Variants in FAT3 observed in about 807,000 individuals in gnomAD.
The protein encoded by FAT3 is FAT atypical cadherin 3, also known as protocadherin Fat 3.
In FAT3, 95 loss-of-function variants were observed where a neutral mutation model predicts 310.2. The observed-to-expected ratio is 0.31, with a 90% CI of 0.26 to 0.36. The LOEUF is 0.36. Among genes scored for constraint, FAT3 ranks in the 10% least tolerant of loss-of-function variants. FAT3 has a pLI of 1.00. For missense variants in FAT3, 5,408 were observed against 5,715.6 expected (o/e 0.95, Z 1.74); for synonymous variants, 2,314 against 2,192.9 (o/e 1.06, Z -1.54).
chr11:92,461,099 C>A (rs1951627971), intron 2 of FAT3, among the ~76,000 whole-genome samples: 1 of 152,140 alleles, frequency 6.6e-6, no homozygotes, highest in Non-Finnish European at 1.5e-5. Flanking sequence ...TCATGGGTTG[C>A]ATTAATTTTG....
chr11:92,493,654 ATT>A (rs1346301180), intron 2 of FAT3, among the ~76,000 whole-genome samples: 1 of 152,076 alleles, frequency 6.6e-6, no homozygotes, highest in African/African-American at 2.4e-5. Flanking sequence ...CCCCAGCAAG[ATT>A]TTTGAGTTCC....
intron 1 of FAT3, among the ~76,000 whole-genome samples, chr11:92,344,844 A>G (rs1013836276): frequency 6.6e-6 from 1 of 152,114 alleles, no homozygotes; most frequent in Non-Finnish European, 1.5e-5. Context: ...GTGTCTTGAA[A>G]CGTACCCCCC....
At chr11:92,578,654 G>A (rs112869211) in intron 3 of FAT3, among the ~76,000 whole-genome samples, 43 of 152,222 alleles carry the variant, frequency 2.8e-4, no homozygotes, top group African/African-American at 9.4e-4. Context: ...AGCGAAGAGC[G>A]TGGAAAAAGC....
intron 2 of FAT3, among the ~76,000 whole-genome samples, chr11:92,442,260 C>A (rs1951092896): frequency 6.7e-6 from 1 of 148,420 alleles, no homozygotes; most frequent in Non-Finnish European, 1.5e-5. Flanking sequence ...ACTACAGGCA[C>A]CCGCCACCAC....
intron 3 of FAT3, among the ~76,000 whole-genome samples, chr11:92,528,428 C>G (rs994448836): frequency 6.6e-6 from 1 of 152,200 alleles, no homozygotes; most frequent in Non-Finnish European, 1.5e-5. Flanking sequence ...GCTCAGTCGC[C>G]CAGGCTGGAG....
At chr11:92,412,708 T>TACAC (rs1950304035) in intron 2 of FAT3, among the ~76,000 whole-genome samples, 1 of 11,296 alleles carries the variant, frequency 8.9e-5, no homozygotes, top group Non-Finnish European at 1.9e-4. Flanking sequence ...TGGTGATATA[T>TACAC]ATATATATAT....
chr11:92,437,158 C>G (rs956738856), intron 2 of FAT3, among the ~76,000 whole-genome samples: 1 of 152,094 alleles, frequency 6.6e-6, no homozygotes, highest in Non-Finnish European at 1.5e-5. Context: ...TCTAAGCAGG[C>G]AGCAAATAAA....
intron 6 of FAT3, among the ~76,000 whole-genome samples, chr11:92,769,884 A>AT (rs747000322): frequency 1.3e-5 from 2 of 152,260 alleles, no homozygotes; most frequent in South Asian, 4.1e-4. Flanking sequence ...CCTTGTCCCC[A>AT]GTGGAGCCAT....
chr11:92,295,236 G>A (rs558195078), intron 1 of FAT3, among the ~76,000 whole-genome samples: 1 of 152,224 alleles, frequency 6.6e-6, no homozygotes, highest in South Asian at 2.1e-4. Flanking sequence ...ATGCATGTAG[G>A]TTCATGCAGG....
chr11:92,387,940 A>G (rs570856164), intron 2 of FAT3, among the ~76,000 whole-genome samples: 5 of 152,296 alleles, frequency 3.3e-5, no homozygotes, highest in Admixed American at 1.3e-4. Flanking sequence ...TGTCCTGTCA[A>G]TACTGAACCA....
rs572114972 is a variant in FAT3 at position 92,396,610 on chromosome 11, A to G, written c.3292+41206A>G. On this transcript the variant is annotated intron_variant, in intron 2 of 27. Transcript: ENST00000525166. The stretch of plus-strand genomic sequence containing the variant: ...AAGTGCAAGGCTGAGATGAGAAATC[A>G]CAGCTCAGAAGTCAGCCATGGTGGG... 3.9e-5 allele frequency among the ~76,000 whole-genome samples: 6 copies of G among 152,194 alleles called. No homozygotes were observed. In the South Asian group the frequency reaches 1.2e-3, roughly 32 times the overall value.
intron 3 of FAT3, among the ~76,000 whole-genome samples, chr11:92,625,168 G>A (rs75231465): frequency 0.012 from 1,828 of 152,218 alleles, 36 homozygotes; most frequent in African/African-American, 0.042. Flanking sequence ...GATGAAATTG[G>A]TTTCATGCTA....
chr11:92,888,346 T>C (rs1166047441), intron 25 of FAT3, among the ~76,000 whole-genome samples: 1 of 152,146 alleles, frequency 6.6e-6, no homozygotes, highest in African/African-American at 2.4e-5. Flanking sequence ...GTTTGCACTT[T>C]ATATAGAAAT....
intron 1 of FAT3, among the ~76,000 whole-genome samples, chr11:92,263,618 A>AGTGT (rs555917659): frequency 7.9e-4 from 116 of 147,590 alleles, no homozygotes; most frequent in African/African-American, 2.6e-3. Flanking sequence ...TTTGAATATA[A>AGTGT]GTGTGTGTGT....
intron 3 of FAT3, among the ~76,000 whole-genome samples, chr11:92,558,731 G>T (rs1955108433): frequency 6.6e-6 from 1 of 152,088 alleles, no homozygotes; most frequent in Non-Finnish European, 1.5e-5. Flanking sequence ...TTTCCAAATA[G>T]CTGCTTTGCA....
intron 7 of FAT3, among the ~76,000 whole-genome samples, chr11:92,778,176 GTTTT>G (rs1455661662): frequency 1.3e-5 from 2 of 152,110 alleles, no homozygotes; most frequent in Admixed American, 1.3e-4. Flanking sequence ...ATCTTAGTGG[GTTTT>G]TCCCAGTTCC....
At chr11:92,430,718 T>A (rs1480060895) in intron 2 of FAT3, among the ~76,000 whole-genome samples, 5 of 151,906 alleles carry the variant, frequency 3.3e-5, no homozygotes, top group African/African-American at 1.2e-4. Context: ...TGTCCATGTT[T>A]TCTCATTGTT....
intron 4 of FAT3, among the ~76,000 whole-genome samples, chr11:92,736,368 C>T (rs1234295215): frequency 3.9e-5 from 6 of 152,096 alleles, no homozygotes; most frequent in Admixed American, 6.6e-5. Flanking sequence ...TCAGAGCAAG[C>T]CATAATTCCT....
chr11:92,480,969 C>T (rs903428932), intron 2 of FAT3, among the ~76,000 whole-genome samples: 3 of 152,290 alleles, frequency 2.0e-5, no homozygotes, highest in Admixed American at 2.0e-4. Flanking sequence ...GCCCCTTTTA[C>T]TCATTCATAT....
Sources: gnomAD v4.1 joint callset for allele counts (sites outside exome capture counted in the v4.1 genomes callset) on GRCh38, gnomAD v4.1.1 for gene constraint, MANE v1.5 for transcripts, NCBI Gene and HGNC (gene_info 2026-07-23, HGNC 2026-07-21) for gene names.